The following SPAG16 variants were observed in gnomAD, a reference collection of about 807,000 sequenced individuals.
The protein encoded by SPAG16 is sperm-associated antigen 16 protein.
In SPAG16, 86 loss-of-function variants were observed where a neutral mutation model predicts 80.4. The ratio of observed to expected loss-of-function variants is 1.07; its 90% confidence interval spans 0.90 to 1.28. The LOEUF (loss-of-function observed/expected upper bound fraction) is 1.28. SPAG16 is among the 50% of genes most tolerant of loss of function. The pLI, the probability that SPAG16 is intolerant of heterozygous loss-of-function variation, is 0.00. For missense variants in SPAG16, 870 were observed against 765.3 expected (o/e 1.14, Z -1.61); for synonymous variants, 294 against 265.9 (o/e 1.11, Z -1.03).
chr2:213,775,717 T>C (rs796214739), intron 10 of SPAG16, among the ~76,000 whole-genome samples: 3 of 152,392 alleles, frequency 2.0e-5, no homozygotes, highest in African/African-American at 7.2e-5. Context: ...ATAAGTGTTA[T>C]AACATAGTAT....
chr2:213,973,670 T>C (rs2106388228), intron 12 of SPAG16, among the ~76,000 whole-genome samples: 1 of 152,022 alleles, frequency 6.6e-6, no homozygotes, highest in East Asian at 1.9e-4. Flanking sequence ...TTCATTTGGT[T>C]ACTGTATACT....
intron 7 of SPAG16, among the ~76,000 whole-genome samples, chr2:213,361,643 A>G (rs2065983174): frequency 6.6e-6 from 1 of 150,700 alleles, no homozygotes; most frequent in Non-Finnish European, 1.5e-5. Flanking sequence ...AAAGGAAGGA[A>G]ATGCTCAAAA....
intron 10 of SPAG16, among the ~76,000 whole-genome samples, chr2:213,531,306 A>G (rs1430345812): frequency 1.3e-5 from 2 of 151,876 alleles, no homozygotes; most frequent in African/African-American, 2.4e-5. Context: ...TGCATAACCT[A>G]TCAGCCTTTG....
At position 213,287,661 on chromosome 2, in the gene SPAG16, A is replaced by T. The variant is rs947017797; in HGVS notation, c.136+3042A>T. The stretch of plus-strand genomic sequence containing the variant: ...GTGTAAGTTTACTGGCCAATGAAAA[A>T]GGCTCCCCAACCCCCAGCAGCAATT... On this transcript the variant is annotated intron_variant, in intron 1 of 15. Coordinates refer to ENST00000331683, the MANE Select transcript of SPAG16 (RefSeq NM_024532.5). Among the ~76,000 whole-genome samples the T allele has an allele frequency of 2.0e-5, 3 of 152,120 alleles. No homozygotes were observed. The East Asian group carries it at 5.8e-4, about 29-fold the overall frequency.
chr2:213,965,691 A>T (rs918730136), intron 12 of SPAG16, among the ~76,000 whole-genome samples: 7 of 152,160 alleles, frequency 4.6e-5, no homozygotes, highest in African/African-American at 1.7e-4. Flanking sequence ...TTTCTATAGC[A>T]CTGTTATGCT....
At chr2:213,805,194 G>A (rs911257073) in intron 10 of SPAG16, among the ~76,000 whole-genome samples, 2 of 152,168 alleles carry the variant, frequency 1.3e-5, no homozygotes, top group Admixed American at 6.5e-5. Flanking sequence ...TGTCTGATAT[G>A]AAAGAAGAAG....
intron 14 of SPAG16, among the ~76,000 whole-genome samples, chr2:214,132,393 T>C (rs557928518): frequency 6.6e-6 from 1 of 152,272 alleles, no homozygotes; most frequent in South Asian, 2.1e-4. Context: ...TTTTAACTAA[T>C]TAAAAATAAG....
At chr2:213,756,066 A>C (rs1222361984) in intron 10 of SPAG16, among the ~76,000 whole-genome samples, 1 of 152,244 alleles carries the variant, frequency 6.6e-6, no homozygotes, top group Non-Finnish European at 1.5e-5. Flanking sequence ...CAGACCCCTG[A>C]GGCCAGCCTC....
Position 214,039,896 on chromosome 2 carries a change from G to A in SPAG16, c.1527+25819G>A, listed in dbSNP as rs114081054. ...TTTTTCAAAGATAGTTTGGGTGAGCGGTGGGGGTGGTTAGGCTTGCAGCCT... is the reference window on the plus strand; with the variant it reads ...TTTTTCAAAGATAGTTTGGGTGAGCAGTGGGGGTGGTTAGGCTTGCAGCCT... On this transcript the variant is annotated intron_variant, in intron 13 of 15. Transcript: ENST00000331683. Among the ~76,000 whole-genome samples, 1,489 of 152,258 alleles carry A rather than the reference G, an allele frequency of 9.8e-3. 23 individuals are homozygous for A. Among genetic ancestry groups the A allele is most frequent in the Non-Finnish European group, 0.013 (888 of 68,020 alleles).
chr2:213,810,139 A>G (rs1184886380), intron 10 of SPAG16, among the ~76,000 whole-genome samples: 1 of 152,182 alleles, frequency 6.6e-6, no homozygotes, highest in Non-Finnish European at 1.5e-5. Flanking sequence ...TTGTCAGACT[A>G]TGGAATGCTG....
chr2:213,930,952 C>G (rs1021405754), intron 12 of SPAG16, among the ~76,000 whole-genome samples: 9 of 152,182 alleles, frequency 5.9e-5, no homozygotes, highest in Non-Finnish European at 1.3e-4. Flanking sequence ...GAAGTGCCCT[C>G]TCCTCGGAGG....
chr2:214,084,258 C>T (rs1033829448), intron 13 of SPAG16, among the ~76,000 whole-genome samples: 1 of 152,134 alleles, frequency 6.6e-6, no homozygotes, highest in African/African-American at 2.4e-5. Context: ...GTAACTTCTC[C>T]TTCTTTACAA....
intron 5 of SPAG16, among the ~76,000 whole-genome samples, chr2:213,320,157 T>C (rs1211402689): frequency 6.6e-6 from 1 of 151,984 alleles, no homozygotes; most frequent in Non-Finnish European, 1.5e-5. Context: ...GTTCTACTGA[T>C]ACATTCTTAG....
rs565246241 is a variant in SPAG16 at position 214,062,401 on chromosome 2, A to C, written c.1528-45795A>C. 5.9e-5 allele frequency among the ~76,000 whole-genome samples: 8 copies of C among 136,324 alleles called. No individual in the cohort carries two copies. The East Asian group carries it at 1.8e-3, about 31-fold the overall frequency. 89.4% of individuals were successfully genotyped at this position (136,324 alleles called of 152,430 possible). On this transcript the variant is annotated intron_variant, in intron 13 of 15. Transcript: ENST00000331683. ...GCCACTGCACTCCAGCCTGGGCGGC[A>C]GAGCACGACTCTGACTCAAAAAAAA...
At chr2:214,175,283 A>G (rs1186291106) in intron 15 of SPAG16, among the ~76,000 whole-genome samples, 1 of 143,614 alleles carries the variant, frequency 7.0e-6, no homozygotes, top group Non-Finnish European at 1.5e-5. Flanking sequence ...ATATAAAGAA[A>G]TGTGTATATA....
chr2:213,416,981 C>G (rs1575536394), intron 9 of SPAG16, among the ~76,000 whole-genome samples: 1 of 152,310 alleles, frequency 6.6e-6, no homozygotes, highest in East Asian at 1.9e-4. Flanking sequence ...TCAGCAGGCT[C>G]TAAGCTGTAA....
In SPAG16 at chr2:213,593,064, C is replaced by T. The variant is rs114208212; in HGVS notation, c.1070+102974C>T. On this transcript the variant is annotated intron_variant, in intron 10 of 15. Transcript: ENST00000331683. ...TATCTGATTAGGGAAAAACTCAATC[C>T]GTATGTATATATATATTTTTACTTG... is the stretch of plus-strand genomic sequence containing the variant. 8.4e-3 allele frequency among the ~76,000 whole-genome samples: 1,279 copies of T among 151,852 alleles called. 6 individuals are homozygous for T. The highest frequency in any genetic ancestry group is 0.015 in the Non-Finnish European group (993 of 67,936).
chr2:213,747,825 T>A (rs1350389246), intron 10 of SPAG16, among the ~76,000 whole-genome samples: 3 of 152,226 alleles, frequency 2.0e-5, no homozygotes, highest in Non-Finnish European at 4.4e-5. Context: ...GACTATGGTT[T>A]AGCAGAAAGA....
rs192395454 is a variant in SPAG16 at position 214,323,520 on chromosome 2, C to T, written c.1721-86620C>T. ...GTTTAAACTGCTGTTGTTTGACTTC[C>T]CAAGCTGGCCACCCCTAAGTGTATT... On this transcript the variant is annotated intron_variant, in intron 15 of 15. Coordinates refer to ENST00000331683, the MANE Select transcript of SPAG16 (RefSeq NM_024532.5). Among the ~76,000 whole-genome samples the T allele has an allele frequency of 7.5e-4, 114 of 152,158 alleles. 1 individual carries two copies. The highest frequency in any genetic ancestry group is 5.2e-3 in the Admixed American group (79 of 15,284).
Sources: allele counts gnomAD v4.1 joint callset (sites outside exome capture counted in the v4.1 genomes callset), GRCh38; gene constraint gnomAD v4.1.1; transcripts MANE v1.5; gene names NCBI Gene and HGNC (gene_info 2026-07-23, HGNC 2026-07-21).